Variants in UTP20 observed in about 807,000 individuals in gnomAD.
UTP20 encodes UTP20 small subunit processome component, also known as small subunit processome component 20 homolog.
Under a neutral mutation model 329.5 loss-of-function variants are expected in UTP20, and 164 were observed. The ratio of observed to expected loss-of-function variants is 0.50; its 90% CI spans 0.44 to 0.57. The LOEUF (loss-of-function observed/expected upper bound fraction) is 0.57, where lower values mean the gene tolerates loss of function less well. UTP20 is among the 20% of genes least tolerant of loss of function. The pLI, the probability that UTP20 is intolerant of heterozygous loss-of-function variation, is 0.00. For missense variants in UTP20, 3,055 were observed against 3,284.2 expected (o/e 0.93, Z 1.71); for synonymous variants, 1,151 against 1,159.3 (o/e 0.99, Z 0.14).
chr12:101,290,998 A>T, intron 8 of UTP20, 110 bp downstream of exon 8: 1 of 1,204,134 alleles, frequency 8.3e-7, no homozygotes, highest in Non-Finnish European at 1.1e-6. Context: ...TAATTGTTTT[A>T]TTTATACTTC....
chr12:101,320,263 C>T (rs554070368), intron 23 of UTP20, among the ~76,000 whole-genome samples: 12 of 152,188 alleles, frequency 7.9e-5, no homozygotes, highest in South Asian at 4.1e-4. Flanking sequence ...CATAGAGAAT[C>T]GGCCTCACCA....
intron 22 of UTP20, 41 bp downstream of exon 22, chr12:101,317,704 T>G: frequency 1.3e-6 from 2 of 1,555,564 alleles, no homozygotes; most frequent in South Asian, 2.4e-5. Flanking sequence ...TCCACAGTTC[T>G]GGGAGGAACA....
chr12:101,365,603 C>A lies in UTP20; in HGVS notation c.6103C>A (p.Pro2035Thr). 6.4e-7 allele frequency: 1 copy of A among 1,570,034 alleles called. No homozygotes were observed. Among genetic ancestry groups the A allele is most frequent in the Non-Finnish European group, 8.6e-7 (1 of 1,164,710 alleles). ...LSYGLISENLPLLTEKEKNPV... is the reference protein window; with the variant it reads ...LSYGLISENLTLLTEKEKNPV... ...TTATGGTTTGATCAGTGAAAATCTT[C>A]CCCTGTTAACAGAGAAAGAAAAGTA... The change falls in exon 46 of 62, where the codon CCC becomes ACC. Residue 2035 changes from proline (P) to threonine (T), a missense_variant. Pro to Thr is a conservative substitution (Grantham distance 38). Transcript: ENST00000261637.
At chr12:101,335,930 A>G (rs1041120527) in intron 29 of UTP20, among the ~76,000 whole-genome samples, 9 of 152,232 alleles carry the variant, frequency 5.9e-5, no homozygotes, top group Non-Finnish European at 1.3e-4. Context: ...AATGTTGTAT[A>G]GTTTTGTCAT....
intron 47 of UTP20, among the ~76,000 whole-genome samples, chr12:101,367,357 A>T (rs1196390072): frequency 6.6e-6 from 1 of 152,172 alleles, no homozygotes; most frequent in Non-Finnish European, 1.5e-5. Context: ...TTTCCTTTTT[A>T]AAACCCTTCA....
At chr12:101,373,503 C>G (rs1286137406) in intron 53 of UTP20, 33 bp downstream of exon 53, 23 of 1,613,944 alleles carry the variant, frequency 1.4e-5, no homozygotes, top group Non-Finnish European at 1.9e-5. Context: ...CCCCGTGACT[C>G]CTGGAAGTCC....
chr12:101,319,667 CT>C, intron 23 of UTP20, 32 bp downstream of exon 23: 1 of 1,520,748 alleles, frequency 6.6e-7, no homozygotes, highest in South Asian at 1.2e-5. Context: ...CATTATAATT[CT>C]TTGTGAACTT....
In UTP20 at chr12:101,375,758, T is replaced by A; in HGVS notation, c.7396+2T>A. On this transcript the variant is annotated splice_donor_variant, in intron 56 of 61. Transcript: ENST00000261637. LOFTEE classifies it high-confidence loss of function. ...CTGAGACTTTGAGTAAAATCTGGAG[T>A]AAGTATTTCCTTTTTTATTTAAATC... The A allele has an allele frequency of 6.6e-7, 1 of 1,522,790 alleles. No homozygotes were observed. Among genetic ancestry groups the A allele is most frequent in the Non-Finnish European group, 9.0e-7 (1 of 1,111,080 alleles). The allele number at this position is 1,522,790 out of a possible 1,614,324, so 94.3% of individuals were successfully genotyped here.
intron 2 of UTP20, among the ~76,000 whole-genome samples, chr12:101,283,997 T>C (rs1871879248): frequency 6.6e-6 from 1 of 152,164 alleles, no homozygotes; most frequent in African/African-American, 2.4e-5. Context: ...TTTTTTGATA[T>C]TGTAGATTTG....
intron 4 of UTP20, 100 bp downstream of exon 4, chr12:101,285,981 A>G: frequency 2.7e-6 from 4 of 1,473,658 alleles, no homozygotes; most frequent in Middle Eastern, 3.6e-4. Flanking sequence ...GGTGCTCATA[A>G]TTTAGAAACA....
chr12:101,373,409 A>G lies in UTP20; in HGVS notation c.6887A>G (p.His2296Arg), dbSNP rs143189050. Residue 2296 changes from histidine (H) to arginine (R), a missense_variant, in exon 53 of 62, where the codon CAT (histidine) becomes CGT (arginine). Around this residue, in one of 3 missense-constraint regions of UTP20, gnomAD observed 273 missense variants for 363.1 expected, o/e 0.75. Coordinates refer to ENST00000261637, the MANE Select transcript of UTP20 (RefSeq NM_014503.3). ...TAATGTCCTTCCCCTAGTTACGAAC[A>G]TGAGACCGGGAGAGAGTCCACCTTG... Reference protein sequence around the residue: ...EFMLAQLNYEHETGRESTLEM... With the variant: ...EFMLAQLNYERETGRESTLEM... 7 of 1,613,968 alleles carry G rather than the reference A, an allele frequency of 4.3e-6. No homozygotes were observed. In the African/African-American group the frequency reaches 5.3e-5, roughly 12 times the overall value.
At chr12:101,339,174 G>A (rs1449957074) in intron 31 of UTP20, among the ~76,000 whole-genome samples, 20 of 152,206 alleles carry the variant, frequency 1.3e-4, no homozygotes, top group African/African-American at 4.1e-4. Context: ...TTAGCTGGGC[G>A]TGGTGGTGGA....
In UTP20 at chr12:101,385,735, T is replaced by C. The variant is rs1163045635; in HGVS notation, c.8202+7T>C. 3 of 1,608,850 alleles carry C rather than the reference T, an allele frequency of 1.9e-6. No individual in the cohort carries two copies. Among genetic ancestry groups the C allele is most frequent in the South Asian group, 1.1e-5 (1 of 89,822 alleles). On this transcript the variant is annotated splice_region_variant and intron_variant, in intron 61 of 61. Coordinates refer to ENST00000261637, the MANE Select transcript of UTP20 (RefSeq NM_014503.3). ...AAAGAGGAAGGCCCTGGAGGTAAGT[T>C]TGCTCTTTGAAAATATGGCATGTTC...
At chr12:101,368,051 G>T (rs115134353) in intron 48 of UTP20, 75 bp downstream of exon 48, 2 of 1,053,450 alleles carry the variant, frequency 1.9e-6, no homozygotes, top group African/African-American at 1.6e-5. Context: ...ATACCTAATG[G>T]TTGTATTTGG....
rs747914213 is a variant in UTP20 at position 101,320,921 on chromosome 12, C to T, written c.2899C>T (p.His967Tyr). 6.2e-7 allele frequency: 1 copy of T among 1,608,524 alleles called. No individual in the cohort carries two copies. The highest frequency in any genetic ancestry group is 1.1e-5 in the South Asian group (1 of 89,162). Residue 967 changes from histidine to tyrosine, a missense_variant, in exon 24 of 62, where the codon CAT becomes TAT. This residue lies in a region of UTP20 where 2,445 missense variants were observed against 2,575.5 expected (regional missense o/e 0.95). Coordinates refer to ENST00000261637, the MANE Select transcript of UTP20 (RefSeq NM_014503.3). ...TTGCATAATGACATATAAACATCCT[C>T]ATGTCCTCCCTTACAGGTAAGTTAC... The part of the protein sequence containing the change: ...LDCIMTYKHP[H>Y]VLPYRENLQR...
In UTP20 at chr12:101,369,833, A is replaced by G. The variant is rs1870224929; in HGVS notation, c.6497A>G (p.Tyr2166Cys). 3 of 1,614,080 alleles carry G rather than the reference A, an allele frequency of 1.9e-6. No homozygotes were observed. Among genetic ancestry groups the G allele is most frequent in the Non-Finnish European group, 8.5e-7 (1 of 1,180,010 alleles). ...TKHLFLLLKDYAKLGAARGQN... is the reference protein window; with the variant it reads ...TKHLFLLLKDCAKLGAARGQN... ...CACCTCTTCCTTCTGCTGAAGGACT[A>G]TGCAAAGCTCGGGGCCGCCAGGGGC... is the stretch of plus-strand genomic sequence containing the variant. Residue 2166 changes from tyrosine (Y) to cysteine (C), a missense_variant, in exon 49 of 62, where the codon TAT (tyrosine) becomes TGT (cysteine). This residue lies in a region of UTP20 where 2,445 missense variants were observed against 2,575.5 expected (regional missense o/e 0.95). Coordinates refer to ENST00000261637, the MANE Select transcript of UTP20 (RefSeq NM_014503.3).
Position 101,309,606 on chromosome 12 carries a change from A to C in UTP20, c.2155-157A>C, listed in dbSNP as rs77260338. On this transcript the variant is annotated intron_variant, in intron 18 of 61. Transcript: ENST00000261637. ...TTGGGGAGAAGAGGAAAATTAGTAT[A>C]CATTGAATTTTGGATTGGTGCCTGC... Among the ~76,000 whole-genome samples, 27 of 152,358 alleles carry C rather than the reference A, an allele frequency of 1.8e-4. No individual in the cohort carries two copies. In the East Asian group the frequency reaches 4.8e-3, roughly 27 times the overall value.
chr12:101,314,898 C>T (rs926540293), intron 21 of UTP20, among the ~76,000 whole-genome samples: 1 of 150,558 alleles, frequency 6.6e-6, no homozygotes, highest in Non-Finnish European at 1.5e-5. Flanking sequence ...GTCAGGAGTT[C>T]GAGACCAGCC....
In UTP20 at chr12:101,291,805, A is replaced by G; in HGVS notation, c.955A>G (p.Ile319Val). The change falls in exon 9 of 62, where the codon ATT becomes GTT. Residue 319 changes from isoleucine to valine, a missense_variant. Physicochemically the swap from Ile to Val is conservative, Grantham distance 29. Transcript: ENST00000261637. The stretch of plus-strand genomic sequence containing the variant: ...TAACTGTTGTGAAAGTTCTGAACAG[A>G]TTAAAAGGTTGTTGGAAACATACCT... The part of the protein sequence containing the change: ...KTNCCESSEQ[I>V]KRLLETYLIL... The G allele has an allele frequency of 6.2e-7, 1 of 1,613,706 alleles. No homozygotes were observed. The highest frequency in any genetic ancestry group is 1.3e-5 in the African/African-American group (1 of 75,050).
Sources: gnomAD v4.1 joint callset for allele counts (sites outside exome capture counted in the v4.1 genomes callset) on GRCh38, gnomAD v4.1.1 for gene constraint, gnomAD v4.1.1 regional missense constraint, MANE v1.5 for transcripts, NCBI Gene and HGNC (gene_info 2026-07-23, HGNC 2026-07-21) for gene names.